Variants in USP13 observed in about 807,000 individuals in gnomAD.
The protein encoded by USP13 is ubiquitin specific peptidase 13.
A neutral mutation model predicts 107.8 loss-of-function variants in USP13; 68 were observed. The observed-to-expected ratio is 0.63, with a 90% CI of 0.52 to 0.77. USP13 has a LOEUF of 0.77. Ranked by LOEUF, USP13 falls within the 30% of genes least tolerant of loss-of-function variation. USP13 has a pLI of 0.00. For synonymous variants in USP13, 377 were observed against 389.5 expected, an observed-to-expected ratio of 0.97 and a Z score of 0.38; for missense variants, 945 against 1,093.3, an observed-to-expected ratio of 0.86 and a Z score of 1.91.
intron 2 of USP13, among the ~76,000 whole-genome samples, chr3:179,684,107 C>T (rs78152452): frequency 0.18 from 26,986 of 151,148 alleles, 2,617 homozygotes; most frequent in Non-Finnish European, 0.2. Flanking sequence ...ACTACAGGTG[C>T]GCGCCACCAT....
chr3:179,752,154 G>T, intron 13 of USP13, 131 bp from the exon 14 acceptor site: 1 of 719,748 alleles, frequency 1.4e-6, no homozygotes. Context: ...GTCTGTGTTT[G>T]CATGTTCCTC....
intron 1 of USP13, among the ~76,000 whole-genome samples, chr3:179,672,689 C>T (rs929130862): frequency 4.6e-5 from 7 of 152,282 alleles, no homozygotes; most frequent in Admixed American, 2.0e-4. Flanking sequence ...GATGGGATTA[C>T]AGGCGTGAGC....
chr3:179,756,152 C>A (rs1033579310), intron 15 of USP13, among the ~76,000 whole-genome samples: 1 of 152,154 alleles, frequency 6.6e-6, no homozygotes, highest in African/African-American at 2.4e-5. Context: ...GGGCCAGGCG[C>A]GGTGGCTCAC....
chr3:179,710,562 T>C (rs1051570428), intron 6 of USP13, among the ~76,000 whole-genome samples: 88 of 152,348 alleles, frequency 5.8e-4, no homozygotes, highest in Middle Eastern at 3.4e-3. Context: ...TTGGGTTCTA[T>C]ACAAAATCTT....
chr3:179,655,385 C>T (rs758375965), intron 1 of USP13, among the ~76,000 whole-genome samples: 4 of 152,042 alleles, frequency 2.6e-5, no homozygotes, highest in Admixed American at 1.3e-4. Flanking sequence ...ACATCTCGTC[C>T]AGTGTAGACT....
intron 4 of USP13, among the ~76,000 whole-genome samples, chr3:179,702,001 G>C (rs1280368264): frequency 6.6e-6 from 1 of 151,642 alleles, no homozygotes; most frequent in Non-Finnish European, 1.5e-5. Context: ...TTTTGTTTTG[G>C]TCTCCCATTT....
chr3:179,767,333 T>C (rs1487531167), intron 19 of USP13, among the ~76,000 whole-genome samples: 1 of 152,132 alleles, frequency 6.6e-6, no homozygotes, highest in African/African-American at 2.4e-5. Context: ...CAAGGTCTCA[T>C]AGCTAGTGAT....
intron 3 of USP13, among the ~76,000 whole-genome samples, chr3:179,696,464 G>A (rs532869716): frequency 6.6e-6 from 1 of 152,030 alleles, no homozygotes; most frequent in South Asian, 2.1e-4. Flanking sequence ...CTGAGTAGCT[G>A]GGATTACAGG....
intron 14 of USP13, among the ~76,000 whole-genome samples, chr3:179,754,288 A>G (rs1420667873): frequency 6.6e-6 from 1 of 152,224 alleles, no homozygotes; most frequent in African/African-American, 2.4e-5. Flanking sequence ...ACCATTGTCT[A>G]GGGTAGAAAC....
chr3:179,747,925 C>G lies in USP13; in HGVS notation c.1709+2708C>G, dbSNP rs140587076. Reference sequence around the variant, plus strand: ...TCCTTTTTGTCTGCATACACACATGCTCTTGCATGTGCCTTTTATATACAT... The same window carrying G: ...TCCTTTTTGTCTGCATACACACATGGTCTTGCATGTGCCTTTTATATACAT... On this transcript the variant is annotated intron_variant, in intron 13 of 20. Transcript: ENST00000263966. 1.5e-4 allele frequency among the ~76,000 whole-genome samples: 23 copies of G among 152,308 alleles called. No individual in the cohort carries two copies. In the East Asian group the frequency reaches 4.1e-3, roughly 27 times the overall value.
intron 17 of USP13, 51 bp from the exon 18 acceptor site, chr3:179,763,951 A>C (rs756976542): frequency 2.5e-4 from 39 of 156,820 alleles, no homozygotes; most frequent in Middle Eastern, 4.4e-3. Context: ...GTTTCAGGAC[A>C]AAAAAAAAAA....
intron 1 of USP13, among the ~76,000 whole-genome samples, chr3:179,681,647 G>A (rs371877933): frequency 6.6e-6 from 1 of 151,906 alleles, no homozygotes; most frequent in Non-Finnish European, 1.5e-5. Context: ...CTTAAGGGAG[G>A]GGGGTGAAAG....
intron 1 of USP13, among the ~76,000 whole-genome samples, chr3:179,658,979 C>T (rs757606128): frequency 3.9e-5 from 6 of 152,134 alleles, no homozygotes; most frequent in Admixed American, 6.5e-5. Context: ...AAAAGGTGGC[C>T]GGAGGGGATA....
chr3:179,681,010 A>C (rs56012982), intron 1 of USP13, among the ~76,000 whole-genome samples: 9,977 of 100,722 alleles, frequency 0.099, 1,756 homozygotes, highest in South Asian at 0.13. Context: ...AATTTTGCCA[A>C]CTTTCTTCTA....
intron 10 of USP13, among the ~76,000 whole-genome samples, chr3:179,733,030 G>C (rs1046136464): frequency 2.6e-5 from 4 of 152,150 alleles, no homozygotes; most frequent in African/African-American, 9.7e-5. Flanking sequence ...ACAGTCCCAG[G>C]CCCGCAATGA....
chr3:179,712,172 C>A (rs943309461), intron 6 of USP13, among the ~76,000 whole-genome samples: 1 of 152,176 alleles, frequency 6.6e-6, no homozygotes, highest in Non-Finnish European at 1.5e-5. Flanking sequence ...AGAATTAATT[C>A]TATTCTTTGT....
chr3:179,662,695 T>C (rs1247723550), intron 1 of USP13, among the ~76,000 whole-genome samples: 1 of 152,228 alleles, frequency 6.6e-6, no homozygotes, highest in Non-Finnish European at 1.5e-5. Context: ...TTTTGGACAG[T>C]AGTTCATTAC....
In USP13 at chr3:179,750,990, A is replaced by G. The variant is rs556954071; in HGVS notation, c.1710-1295A>G. Among the ~76,000 whole-genome samples the G allele has an allele frequency of 2.6e-5, 4 of 152,350 alleles. No homozygotes were observed. The East Asian group carries it at 7.7e-4, about 29-fold the overall frequency. On this transcript the variant is annotated intron_variant, in intron 13 of 20. Transcript: ENST00000263966. Reference sequence around the variant, plus strand: ...TTTGTTTTCTAACAGAAGATGCATTACAAATAGAAGGCAGTGACTTAGATT... The same window carrying G: ...TTTGTTTTCTAACAGAAGATGCATTGCAAATAGAAGGCAGTGACTTAGATT...
chr3:179,687,659 C>CAAAAAAAA (rs71182509), intron 2 of USP13, among the ~76,000 whole-genome samples: 284 of 18,506 alleles, frequency 0.015, 84 homozygotes, highest in Non-Finnish European at 0.034. Flanking sequence ...AACTCTGTCT[C>CAAAAAAAA]AAAAAAAAAA....
Sources: gnomAD v4.1 joint callset for allele counts (sites outside exome capture counted in the v4.1 genomes callset) on GRCh38, gnomAD v4.1.1 for gene constraint, MANE v1.5 for transcripts, NCBI Gene and HGNC (gene_info 2026-07-23, HGNC 2026-07-21) for gene names.